The following OC90 variants were observed in gnomAD, a reference collection of about 807,000 sequenced individuals.
OC90 encodes otoconin-90.
Under a neutral mutation model 47.3 loss-of-function variants are expected in OC90, and 46 were observed. The observed-to-expected ratio is 0.97, with a 90% CI of 0.77 to 1.24. The LOEUF is 1.24. Among genes scored for constraint, OC90 ranks in the 50% most tolerant of loss-of-function variants. The pLI is 0.00. For synonymous variants in OC90, 271 were observed against 219.5 expected (o/e 1.23, Z -2.07); for missense variants, 688 against 583.9 (o/e 1.18, Z -1.84).
In OC90 at chr8:132,041,715, G is replaced by GC; in HGVS notation, c.170-17dup. ...CCCAGGCAATCTGTGGGGGTGGGGG[G>GC]CAGGGCCTGATAAGCACTGGGAACT... On this transcript the variant is annotated splice_polypyrimidine_tract_variant and intron_variant, in intron 4 of 13. Transcript: ENST00000254627. 4.2e-6 allele frequency: 6 copies of GC among 1,432,198 alleles called. No individual in the cohort carries two copies. The highest frequency in any genetic ancestry group is 1.2e-5 in the South Asian group (1 of 85,958). 88.7% of individuals were successfully genotyped at this position (1,432,198 alleles called of 1,614,324 possible). A position where few individuals can be genotyped will look rare whatever the true frequency, so the allele number is the denominator to read the frequency against.
In OC90 at chr8:132,044,459, T is replaced by C; in HGVS notation, c.143A>G (p.Asn48Ser). The C allele has an allele frequency of 6.4e-7, 1 of 1,557,018 alleles. No homozygotes were observed. The stretch of plus-strand genomic sequence containing the variant: ...AAAAATTTCAGCCACACTTTCCACA[T>C]TTTTAAACATCCCACTGAAGAAAGT... ...NITFFSGMFK[N>S]VESVAEIFDC... is the part of the protein sequence containing the mutation. Residue 48 changes from asparagine to serine, a missense_variant, in exon 4 of 14, where the codon AAT (asparagine) becomes AGT (serine). By Grantham distance (46) the Asn-to-Ser change is conservative. Coordinates refer to ENST00000254627, the MANE Select transcript of OC90 (RefSeq NM_001080399.3).
chr8:132,035,918 T>C (rs769165023), intron 9 of OC90, among the ~76,000 whole-genome samples: 1 of 152,228 alleles, frequency 6.6e-6, no homozygotes, highest in Non-Finnish European at 1.5e-5. Flanking sequence ...CTCAACAAGA[T>C]CACTGCTCGT....
chr8:132,034,475 G>T (rs1822924418), intron 10 of OC90, among the ~76,000 whole-genome samples: 1 of 152,164 alleles, frequency 6.6e-6, no homozygotes, highest in Non-Finnish European at 1.5e-5. Flanking sequence ...CCCAGTGTCT[G>T]CTCTCTGCTG....
chr8:132,034,875 A>T, intron 9 of OC90, 41 bp from the exon 10 acceptor site: 1 of 1,532,418 alleles, frequency 6.5e-7, no homozygotes. Context: ...CATCCACCCC[A>T]GCCTGTCCCA....
chr8:132,029,139 T>A lies in OC90; in HGVS notation c.1072A>T (p.Arg358Trp). 1 of 1,613,906 alleles carries A rather than the reference T, an allele frequency of 6.2e-7. No individual in the cohort carries two copies. The highest frequency in any genetic ancestry group is 1.3e-5 in the African/African-American group (1 of 75,022). The change falls in exon 13 of 14, where the codon AGG (arginine) becomes TGG (tryptophan). Residue 358 changes from arginine to tryptophan, a missense_variant. Transcript: ENST00000254627. ...AGCCTCTCAAGCAGGCAGCCCAGCC[T>A]TCTCACTTGCTCTAGGCAGCAGTGA... is the stretch of plus-strand genomic sequence containing the variant. ...SHHCCLEQVR[R>W]LGCLLERLPW...
chr8:132,036,230 T>C (rs569055847), intron 9 of OC90: 7 of 625,032 alleles, frequency 1.1e-5, no homozygotes, highest in African/African-American at 1.1e-4. Context: ...GTTTCCTACA[T>C]ATTCTGTAAA....
chr8:132,028,526 A>AAAGAAAAGAAAGAAAGAAAG (rs1822797031), intron 13 of OC90, among the ~76,000 whole-genome samples: 8 of 87,564 alleles, frequency 9.1e-5, no homozygotes, highest in African/African-American at 4.1e-4. Context: ...AGAAAGAAAG[A>AAAGAAAAGAAAGAAAGAAAG]AAAGAAAGAA....
intron 4 of OC90, among the ~76,000 whole-genome samples, chr8:132,043,231 A>G (rs1471266903): frequency 6.6e-6 from 1 of 152,224 alleles, no homozygotes; most frequent in African/African-American, 2.4e-5. Flanking sequence ...TGGCACAGTA[A>G]TTCAGCCTGG....
chr8:132,036,215 C>A (rs1015392878), intron 9 of OC90, among the ~76,000 whole-genome samples: 2 of 152,166 alleles, frequency 1.3e-5, no homozygotes, highest in African/African-American at 4.8e-5. Context: ...TCTTCCTGAG[C>A]CTCAGTTTCC....
Position 132,044,450 on chromosome 8 carries a change from C to T in OC90, c.152G>A (p.Ser51Asn), listed in dbSNP as rs1823103033. 1.3e-6 allele frequency: 2 copies of T among 1,555,864 alleles called. No individual in the cohort carries two copies. The highest frequency in any genetic ancestry group is 1.4e-5 in the African/African-American group (1 of 73,860). The part of the protein sequence containing the change: ...FFSGMFKNVE[S>N]VAEIFDCLGP... ...TAACTTACCAAAAATTTCAGCCACA[C>T]TTTCCACATTTTTAAACATCCCACT... is the stretch of plus-strand genomic sequence containing the variant. The change falls in exon 4 of 14, where the codon AGT becomes AAT. Residue 51 changes from serine to asparagine, a missense_variant. Transcript: ENST00000254627.
intron 13 of OC90, among the ~76,000 whole-genome samples, chr8:132,027,821 C>T (rs1374735746): frequency 6.6e-6 from 1 of 152,174 alleles, no homozygotes; most frequent in East Asian, 1.9e-4. Context: ...AATAGTATTC[C>T]TCAAGTCTTC....
chr8:132,034,959 C>A, intron 9 of OC90, 125 bp from the exon 10 acceptor site: 1 of 650,860 alleles, frequency 1.5e-6, no homozygotes, highest in Non-Finnish European at 2.7e-6. Context: ...CCCTGGCCCA[C>A]TTCCCACCAT....
chr8:132,037,357 A>C (rs1227072618), intron 9 of OC90, 81 bp downstream of exon 9: 3 of 1,155,042 alleles, frequency 2.6e-6, no homozygotes, highest in Admixed American at 2.0e-5. Flanking sequence ...TTCTTGTGAG[A>C]TCTGGTTGTT....
rs1459821162 is a variant in OC90 at position 132,033,178 on chromosome 8, A to G, written c.734-14T>C. ...TCTCTGCAGATCCTGAAAATGAAAA[A>G]CTTCATGATTCGGATTCAAAAAGTG... On this transcript the variant is annotated splice_polypyrimidine_tract_variant and intron_variant, in intron 10 of 13. Transcript: ENST00000254627. 2.5e-6 allele frequency: 4 copies of G among 1,601,066 alleles called. No homozygotes were observed. The highest frequency in any genetic ancestry group is 3.4e-6 in the Non-Finnish European group (4 of 1,174,074).
chr8:132,049,598 C>T (rs894017651), intron 2 of OC90, among the ~76,000 whole-genome samples: 3 of 152,188 alleles, frequency 2.0e-5, no homozygotes, highest in Non-Finnish European at 4.4e-5. Flanking sequence ...AGTGTGTCTG[C>T]TTTAAAGCAG....
At position 132,037,440 on chromosome 8, in the gene OC90, T is replaced by A. The variant is rs752620184; in HGVS notation, c.677A>T (p.Glu226Val). 7.0e-6 allele frequency: 11 copies of A among 1,582,672 alleles called. No homozygotes were observed. In the Admixed American group the frequency reaches 2.0e-4, roughly 28 times the overall value. ...TDTSLTALSGEEAGHDQEGVG... is the reference protein window; with the variant it reads ...TDTSLTALSGVEAGHDQEGVG... Reference sequence around the variant, plus strand: ...CACACTAGCCCCTTCTGGCTCACCTTCTCCTGAAAGGGCTGTCAGGCTGGT... The same window carrying A: ...CACACTAGCCCCTTCTGGCTCACCTACTCCTGAAAGGGCTGTCAGGCTGGT... The change falls in exon 9 of 14, where the codon GAA becomes GTA. Residue 226 changes from glutamate (E) to valine (V), a missense_variant and splice_region_variant. Glu to Val is a moderately radical substitution (Grantham distance 121). Coordinates refer to ENST00000254627, the MANE Select transcript of OC90 (RefSeq NM_001080399.3).
chr8:132,035,456 C>T (rs1264520334), intron 9 of OC90, among the ~76,000 whole-genome samples: 2 of 152,172 alleles, frequency 1.3e-5, no homozygotes, highest in African/African-American at 2.4e-5. Context: ...CGGCTGCAAA[C>T]CCAAGAAGCC....
At chr8:132,056,704 G>A (rs1361206564) in intron 1 of OC90, among the ~76,000 whole-genome samples, 1 of 152,180 alleles carries the variant, frequency 6.6e-6, no homozygotes, top group African/African-American at 2.4e-5. Flanking sequence ...AGACAAGAGA[G>A]GTCTCCAAAT....
intron 6 of OC90, 22 bp from the exon 7 acceptor site, chr8:132,039,145 C>A: frequency 6.3e-7 from 1 of 1,581,460 alleles, no homozygotes; most frequent in East Asian, 2.3e-5. Flanking sequence ...AAGAGCATAG[C>A]CAATTGGAAA....
Sources: gnomAD v4.1 joint callset for allele counts (sites outside exome capture counted in the v4.1 genomes callset) on GRCh38, gnomAD v4.1.1 for gene constraint, MANE v1.5 for transcripts, NCBI Gene and HGNC (gene_info 2026-07-23, HGNC 2026-07-21) for gene names.